GRIK4: variants seen among roughly 807,000 people sequenced by gnomAD.
GRIK4 encodes the protein glutamate receptor ionotropic, kainate 4.
In GRIK4, 40 loss-of-function variants were observed where a neutral mutation model predicts 104.9. That is an observed-to-expected ratio of 0.38 (90% CI 0.30 to 0.50). The LOEUF (loss-of-function observed/expected upper bound fraction) is 0.50. Ranked by LOEUF, GRIK4 falls within the 20% of genes least tolerant of loss-of-function variation. GRIK4 has a pLI of 0.93. For synonymous variants in GRIK4, 485 were observed against 524.9 expected (o/e 0.92, Z 1.04); for missense variants, 1,047 against 1,308.1 (o/e 0.80, Z 3.08).
rs1223970010 is a variant in GRIK4, at chr11:120,902,332, C to G, written c.1273-2958C>G. On this transcript the variant is annotated intron_variant, in intron 12 of 20. Coordinates refer to ENST00000527524, the MANE Select transcript of GRIK4 (RefSeq NM_014619.5). This position sits in a 1 kb window ranked among gnomAD's most constrained non-coding sequence, Gnocchi z 4.5. Reference sequence around the variant, plus strand: ...CTAGCACTCAACACCCCAGCATTCTCCAAGGTGCCAGTGAGCCCTAACCAT... The same window carrying G: ...CTAGCACTCAACACCCCAGCATTCTGCAAGGTGCCAGTGAGCCCTAACCAT... 6.6e-6 allele frequency among the ~76,000 whole-genome samples: 1 copy of G among 152,170 alleles called. No homozygotes were observed. Among genetic ancestry groups the G allele is most frequent in the East Asian group, 1.9e-4 (1 of 5,184 alleles).
At chr11:120,660,447 G>A (rs777944336) in intron 3 of GRIK4, 47 bp downstream of exon 3, 48 of 1,406,324 alleles carry the variant, frequency 3.4e-5, no homozygotes, top group African/African-American at 1.1e-4. Context: ...ACTATCCCAG[G>A]TGTCCACAAG....
At chr11:120,841,055 A>C (rs1406001952) in intron 8 of GRIK4, among the ~76,000 whole-genome samples, 1 of 152,110 alleles carries the variant, frequency 6.6e-6, no homozygotes, top group Non-Finnish European at 1.5e-5. Context: ...ATGTTGTAGC[A>C]TGTGTCAGAA....
At chr11:120,602,428 C>T (rs1474265394) in intron 1 of GRIK4, among the ~76,000 whole-genome samples, 2 of 152,088 alleles carry the variant, frequency 1.3e-5, no homozygotes, top group African/African-American at 4.8e-5. Context: ...ATATGAGGAC[C>T]CACCTGAAGA....
chr11:120,851,211 A>G (rs1953965262), intron 8 of GRIK4, among the ~76,000 whole-genome samples: 1 of 152,112 alleles, frequency 6.6e-6, no homozygotes, highest in Non-Finnish European at 1.5e-5. Context: ...ACTCCTTAAC[A>G]TAACTCCTGT....
chr11:120,875,121 TCA>T lies in GRIK4; in HGVS notation c.1060-16_1060-15del. The T allele has an allele frequency of 6.6e-7, 1 of 1,515,872 alleles. No individual in the cohort carries two copies. Among genetic ancestry groups the T allele is most frequent in the Non-Finnish European group, 9.2e-7 (1 of 1,091,116 alleles). The allele number at this position is 1,515,872 out of a possible 1,614,324, so 93.9% of individuals were successfully genotyped here. A position where few individuals can be genotyped will look rare whatever the true frequency, so the allele number is the denominator to read the frequency against. On this transcript the variant is annotated splice_polypyrimidine_tract_variant and intron_variant, in intron 10 of 20. Coordinates refer to ENST00000527524, the MANE Select transcript of GRIK4 (RefSeq NM_014619.5). ...CCTGGGGCCTGTTTGGTGCTGTAAC[TCA>T]CTCTCTCTTGGACAGGTAGAATTGG...
chr11:120,703,404 T>C (rs1254094233), intron 3 of GRIK4, among the ~76,000 whole-genome samples: 1 of 151,956 alleles, frequency 6.6e-6, no homozygotes, highest in Admixed American at 6.6e-5. Flanking sequence ...GAGGGTGGAT[T>C]TGGAGAAGGA....
chr11:120,895,355 A>G (rs1231606788), intron 11 of GRIK4, among the ~76,000 whole-genome samples: 2 of 152,124 alleles, frequency 1.3e-5, no homozygotes, highest in Non-Finnish European at 2.9e-5. Flanking sequence ...CATCTAGCCC[A>G]ATTGCTCTTT....
At chr11:120,780,933 G>A (rs750205444) in intron 3 of GRIK4, among the ~76,000 whole-genome samples, 1 of 151,942 alleles carries the variant, frequency 6.6e-6, no homozygotes, top group African/African-American at 2.4e-5. Context: ...TAGTAGAGAC[G>A]GGGTATCACC....
rs143431318 is a variant in GRIK4 at position 120,953,898 on chromosome 11, G to A, written c.1700+934G>A. 7.3e-3 allele frequency among the ~76,000 whole-genome samples: 1,105 copies of A among 152,304 alleles called. 14 individuals carry two copies. The highest frequency in any genetic ancestry group is 0.023 in the African/African-American group (974 of 41,558). The stretch of plus-strand genomic sequence containing the variant: ...AGGCTCACAAAGGGCTGTTATGTGG[G>A]AGCAGAGAACTACTCAGGAGGAGCT... On this transcript the variant is annotated intron_variant, in intron 15 of 20. Transcript: ENST00000527524. The surrounding 1 kb of genome is among the most constrained non-coding windows in gnomAD (Gnocchi z 4.9).
rs984373895 is a variant in GRIK4, at chr11:120,878,079, C to T, written c.1164+2836C>T. Among the ~76,000 whole-genome samples the T allele has an allele frequency of 3.9e-5, 6 of 152,194 alleles. No individual in the cohort carries two copies. The South Asian group carries it at 1.0e-3, about 26-fold the overall frequency. ...GACTGCCTGAGTCATTAAGAAACAG[C>T]GTCATCAGCCCCCAGGGCTCATCCT... On this transcript the variant is annotated intron_variant, in intron 11 of 20. Coordinates refer to ENST00000527524, the MANE Select transcript of GRIK4 (RefSeq NM_014619.5).
At chr11:120,671,853 G>A (rs1950022578) in intron 3 of GRIK4, among the ~76,000 whole-genome samples, 1 of 152,166 alleles carries the variant, frequency 6.6e-6, no homozygotes, top group Admixed American at 6.5e-5. Context: ...TGGCTAGCCA[G>A]TTTTCCCAAC....
intron 1 of GRIK4, among the ~76,000 whole-genome samples, chr11:120,557,129 G>A (rs1210581454): frequency 6.6e-6 from 1 of 152,160 alleles, no homozygotes; most frequent in East Asian, 1.9e-4. Flanking sequence ...CTGCTTGATG[G>A]CAGCATTCAG....
At chr11:120,647,616 G>A (rs1324272729) in intron 1 of GRIK4, among the ~76,000 whole-genome samples, 1 of 152,212 alleles carries the variant, frequency 6.6e-6, no homozygotes, top group African/African-American at 2.4e-5. Context: ...TACCTGGAAG[G>A]TCTCTCCCCA....
intron 3 of GRIK4, among the ~76,000 whole-genome samples, chr11:120,699,553 G>A (rs1427124505): frequency 1.4e-5 from 2 of 140,300 alleles, no homozygotes. Context: ...GTGTGTGTGT[G>A]TGTGTGTGTG....
intron 17 of GRIK4, among the ~76,000 whole-genome samples, chr11:120,962,162 G>C (rs1200321498): frequency 6.6e-6 from 1 of 152,200 alleles, no homozygotes; most frequent in Middle Eastern, 3.2e-3. Flanking sequence ...GGCAGTAGAA[G>C]AGCTCTTGAG....
chr11:120,968,001 T>C (rs1466465881), intron 19 of GRIK4, among the ~76,000 whole-genome samples: 9 of 152,206 alleles, frequency 5.9e-5, no homozygotes, highest in Non-Finnish European at 1.2e-4. Context: ...TGATATTATA[T>C]TTCTTGTGTA....
chr11:120,905,367 C>T lies in GRIK4; in HGVS notation c.1350C>T (p.Asp450=), dbSNP rs371188691. ...GNDRYEGFCV[D]MLKELAEILR... ...ACCGCTACGAGGGCTTCTGTGTGGA[C>T]ATGCTCAAGGAGCTGGCAGAGATCC... Residue 450 remains aspartate (D), a synonymous_variant, in exon 13 of 21, where the codon GAC becomes GAT. Coordinates refer to ENST00000527524, the MANE Select transcript of GRIK4 (RefSeq NM_014619.5). The surrounding 1 kb of genome is among the most constrained non-coding windows in gnomAD (Gnocchi z 5.1). 3 of 1,613,926 alleles carry T rather than the reference C, an allele frequency of 1.9e-6. No homozygotes were observed. The highest frequency in any genetic ancestry group is 2.2e-5 in the South Asian group (2 of 91,082).
At chr11:120,532,657 A>G (rs757533779) in intron 1 of GRIK4, among the ~76,000 whole-genome samples, 5 of 152,190 alleles carry the variant, frequency 3.3e-5, no homozygotes, top group Non-Finnish European at 7.3e-5. Context: ...TGGCTTCATA[A>G]TTAGCATCTT....
intron 1 of GRIK4, among the ~76,000 whole-genome samples, chr11:120,643,872 G>T (rs1302565426): frequency 6.6e-6 from 1 of 152,108 alleles, no homozygotes; most frequent in Non-Finnish European, 1.5e-5. Flanking sequence ...TATTTTCTCT[G>T]ACCCTCAGTT....
Sources: allele counts gnomAD v4.1 joint callset (sites outside exome capture counted in the v4.1 genomes callset), GRCh38; gene constraint gnomAD v4.1.1; non-coding constraint Gnocchi (gnomAD v3.1); transcripts MANE v1.5; gene names NCBI Gene and HGNC (gene_info 2026-07-23, HGNC 2026-07-21).